Variants in DCC observed in about 807,000 individuals in gnomAD.
DCC encodes the protein netrin receptor DCC.
In DCC, 58 loss-of-function variants were observed where a neutral mutation model predicts 172.5. The observed-to-expected ratio is 0.34, with a 90% CI of 0.27 to 0.42. The LOEUF (loss-of-function observed/expected upper bound fraction) is 0.42, where lower values mean the gene tolerates loss of function less well. DCC is among the 10% of genes least tolerant of loss of function. The pLI, the probability that DCC is intolerant of heterozygous loss-of-function variation, is 1.00. For synonymous variants in DCC, 709 were observed against 644.5 expected (o/e 1.10, Z -1.52); for missense variants, 1,740 against 1,791.0 (o/e 0.97, Z 0.51).
intron 9 of DCC, 30 bp from the exon 10 acceptor site, chr18:53,205,186 T>C: frequency 6.3e-7 from 1 of 1,594,896 alleles, no homozygotes; most frequent in Non-Finnish European, 8.6e-7. Context: ...TAATCACTTT[T>C]CTTTCTTTCT....
At chr18:53,338,671 C>T (rs528120158) in intron 14 of DCC, among the ~76,000 whole-genome samples, 6 of 152,230 alleles carry the variant, frequency 3.9e-5, no homozygotes, top group African/African-American at 1.4e-4. Flanking sequence ...GACTAGGAAA[C>T]AGCGAAGAAT....
intron 5 of DCC, among the ~76,000 whole-genome samples, chr18:53,018,129 T>C (rs756225351): frequency 2.6e-5 from 4 of 152,196 alleles, no homozygotes; most frequent in Admixed American, 6.5e-5. Flanking sequence ...GTAACAAACA[T>C]GCACATTCTG....
chr18:53,169,356 G>A lies in DCC; in HGVS notation c.1419-9606G>A, dbSNP rs957665228. Among the ~76,000 whole-genome samples the A allele has an allele frequency of 5.9e-5, 9 of 152,314 alleles. No homozygotes were observed. In the East Asian group the frequency reaches 1.7e-3, roughly 29 times the overall value. On this transcript the variant is annotated intron_variant, in intron 8 of 28. Transcript: ENST00000442544. ...AACTAACTCTTCTTATAGCCTCCTT[G>A]TAAAAGTCCAAGTGGACAAGTTGTC...
chr18:53,431,777 C>A lies in DCC; in HGVS notation c.3164-3367C>A, dbSNP rs1301028179. 2.0e-5 allele frequency among the ~76,000 whole-genome samples: 3 copies of A among 152,250 alleles called. No homozygotes were observed. The East Asian group carries it at 5.8e-4, about 29-fold the overall frequency. ...GGGATTACAGGCATGAGCTACCGCACCTGGCCTTCATATAGTACATTTGAT... is the reference window on the plus strand; with the variant it reads ...GGGATTACAGGCATGAGCTACCGCAACTGGCCTTCATATAGTACATTTGAT... On this transcript the variant is annotated intron_variant, in intron 21 of 28. Coordinates refer to ENST00000442544, the MANE Select transcript of DCC (RefSeq NM_005215.4).
chr18:52,628,119 A>T (rs1262164441), intron 1 of DCC, among the ~76,000 whole-genome samples: 1 of 152,160 alleles, frequency 6.6e-6, no homozygotes, highest in East Asian at 1.9e-4. Context: ...GATGGCATCA[A>T]CTGTGAAAAT....
chr18:53,486,050 T>C lies in DCC; in HGVS notation c.3737-747T>C, dbSNP rs190010833. 1.9e-3 allele frequency among the ~76,000 whole-genome samples: 290 copies of C among 152,206 alleles called. 3 individuals are homozygous for C. The South Asian group carries it at 0.023, about 12-fold the overall frequency. The stretch of plus-strand genomic sequence containing the variant: ...ATGCTAAACATTTTATAAGAAAATA[T>C]AAGATAAAGATTGACTACAATTGGA... On this transcript the variant is annotated intron_variant, in intron 25 of 28. Transcript: ENST00000442544.
chr18:53,281,233 TA>T (rs1205488290), intron 12 of DCC, among the ~76,000 whole-genome samples: 1 of 152,196 alleles, frequency 6.6e-6, no homozygotes, highest in Non-Finnish European at 1.5e-5. Flanking sequence ...TTCCATTTTT[TA>T]AATATATTTT....
chr18:52,769,949 C>G (rs1178052066), intron 2 of DCC, among the ~76,000 whole-genome samples: 6 of 152,154 alleles, frequency 3.9e-5, no homozygotes, highest in Non-Finnish European at 8.8e-5. Context: ...TTAACACCAT[C>G]CAAACAGAAA....
intron 2 of DCC, chr18:52,757,202 C>T (rs954635513): frequency 2.0e-5 from 3 of 152,172 alleles, no homozygotes; most frequent in African/African-American, 7.2e-5. Flanking sequence ...CTGACCAGAG[C>T]AGGCGTTTGA....
chr18:52,762,472 CA>C (rs10545448), intron 2 of DCC, among the ~76,000 whole-genome samples: 35,466 of 139,186 alleles, frequency 0.25, 4,637 homozygotes, highest in South Asian at 0.35. Context: ...GACCTTATCT[CA>C]AAAAAAAAAA....
At chr18:52,856,400 C>T (rs940787603) in intron 2 of DCC, among the ~76,000 whole-genome samples, 4 of 151,184 alleles carry the variant, frequency 2.6e-5, no homozygotes, top group Non-Finnish European at 5.9e-5. Context: ...CCGAGGCGGG[C>T]GTTTCACGAG....
chr18:53,422,642 CA>C (rs1910695383), intron 21 of DCC, among the ~76,000 whole-genome samples: 1 of 152,152 alleles, frequency 6.6e-6, no homozygotes, highest in Admixed American at 6.6e-5. Flanking sequence ...GTTTTAATCT[CA>C]TGAATAAACA....
At chr18:52,524,957 G>C (rs1172370069) in intron 1 of DCC, among the ~76,000 whole-genome samples, 1 of 151,840 alleles carries the variant, frequency 6.6e-6, no homozygotes, top group Non-Finnish European at 1.5e-5. Context: ...TTTAAATCTT[G>C]GTTCTCTCCA....
At chr18:53,236,063 G>A (rs1262704375) in intron 12 of DCC, among the ~76,000 whole-genome samples, 3 of 152,082 alleles carry the variant, frequency 2.0e-5, no homozygotes, top group Admixed American at 6.6e-5. Context: ...GTTGGAAAAG[G>A]CTTTACTGGA....
intron 7 of DCC, among the ~76,000 whole-genome samples, chr18:53,091,889 G>A (rs1307703557): frequency 6.7e-6 from 1 of 150,300 alleles, no homozygotes; most frequent in East Asian, 2.0e-4. Context: ...ACATAAATAT[G>A]TCTTTAAATT....
Position 53,175,525 on chromosome 18 carries a change from C to T in DCC, c.1419-3437C>T, listed in dbSNP as rs559306991. On this transcript the variant is annotated intron_variant, in intron 8 of 28. Coordinates refer to ENST00000442544, the MANE Select transcript of DCC (RefSeq NM_005215.4). ...TACAAAAATCACAAGCATTCTTATA[C>T]ACCAACAACAGACAAACAGAGAGCC... Among the ~76,000 whole-genome samples the T allele has an allele frequency of 2.5e-3, 367 of 149,438 alleles. 1 individual carries two copies. Among genetic ancestry groups the T allele is most frequent in the African/African-American group, 8.5e-3 (349 of 41,160 alleles).
At chr18:52,990,556 A>C (rs1177773503) in intron 5 of DCC, among the ~76,000 whole-genome samples, 2 of 149,610 alleles carry the variant, frequency 1.3e-5, no homozygotes, top group South Asian at 4.2e-4. Context: ...AAAAAAAAAA[A>C]AAAAAAAAAA....
intron 2 of DCC, among the ~76,000 whole-genome samples, chr18:52,876,152 A>G (rs1444951679): frequency 6.6e-6 from 1 of 152,212 alleles, no homozygotes; most frequent in East Asian, 1.9e-4. Flanking sequence ...ACAAGGAAAC[A>G]ATAGAGGGCA....
chr18:52,800,988 C>G (rs968113126), intron 2 of DCC, among the ~76,000 whole-genome samples: 3 of 152,132 alleles, frequency 2.0e-5, no homozygotes, highest in African/African-American at 7.2e-5. Flanking sequence ...AGCCTTTCTT[C>G]AGGTAGTCTC....
Sources: allele counts gnomAD v4.1 joint callset (sites outside exome capture counted in the v4.1 genomes callset), GRCh38; gene constraint gnomAD v4.1.1; transcripts MANE v1.5; gene names NCBI Gene and HGNC (gene_info 2026-07-23, HGNC 2026-07-21).